Variants in HCK observed in about 807,000 individuals in gnomAD.
The protein encoded by HCK is HCK proto-oncogene, Src family tyrosine kinase, also known as tyrosine-protein kinase HCK.
In HCK, 40 loss-of-function variants were observed where a neutral mutation model predicts 70.4. The ratio of observed to expected loss-of-function variants is 0.57; its 90% CI spans 0.44 to 0.74. The LOEUF (loss-of-function observed/expected upper bound fraction) is 0.74, where lower values mean the gene tolerates loss of function less well. HCK is among the 30% of genes least tolerant of loss of function. The pLI is 0.00. For missense variants in HCK, 568 were observed against 697.2 expected (o/e 0.81, Z 2.09); for synonymous variants, 245 against 263.2 (o/e 0.93, Z 0.67).
chr20:32,069,687 G>C, intron 1 of HCK: 1 of 768,656 alleles, frequency 1.3e-6, no homozygotes, highest in South Asian at 1.4e-5. Context: ...ATTTCCAAAA[G>C]ACAAACAAAG....
At position 32,073,396 on chromosome 20, in the gene HCK, T is replaced by A. The variant is rs202179840; in HGVS notation, c.226+35T>A. The A allele has an allele frequency of 8.2e-6, 13 of 1,584,978 alleles. No individual in the cohort carries two copies. In the East Asian group the frequency reaches 1.1e-4, roughly 14 times the overall value. On this transcript the variant is annotated intron_variant, in intron 3 of 12. Coordinates refer to ENST00000375852, the MANE Select transcript of HCK (RefSeq NM_002110.5). ...TACGAGCAGATGCAGTGGAGTCATG[T>A]GTCCTGCAGAGGACTCCGCTAGGTT...
chr20:32,057,435 AC>A (rs2045289496), intron 1 of HCK, among the ~76,000 whole-genome samples: 1 of 152,120 alleles, frequency 6.6e-6, no homozygotes, highest in Non-Finnish European at 1.5e-5. Context: ...CCCTGTCTCT[AC>A]AAAAAGTACA....
At chr20:32,084,583 G>C (rs1282557499) in intron 8 of HCK, 40 bp downstream of exon 8, 1 of 1,564,428 alleles carries the variant, frequency 6.4e-7, no homozygotes, top group Admixed American at 1.9e-5. Context: ...CCAGAGGGTG[G>C]AGGGGAGAGG....
chr20:32,074,044 C>T (rs60000242), intron 4 of HCK, among the ~76,000 whole-genome samples: 2 of 152,238 alleles, frequency 1.3e-5, no homozygotes, highest in South Asian at 2.1e-4. Flanking sequence ...GAACAGGTGA[C>T]GCTTTCTCAG....
At chr20:32,078,845 A>G (rs2045665911) in intron 5 of HCK, among the ~76,000 whole-genome samples, 2 of 128,204 alleles carry the variant, frequency 1.6e-5, no homozygotes, top group African/African-American at 6.8e-5. Flanking sequence ...TGACAGAGCA[A>G]GACTCAGTCT....
chr20:32,055,069 G>T (rs925618361), intron 1 of HCK, among the ~76,000 whole-genome samples: 1 of 152,164 alleles, frequency 6.6e-6, no homozygotes, highest in Non-Finnish European at 1.5e-5. Context: ...GAACAATATT[G>T]ACAGGAGCAT....
intron 5 of HCK, among the ~76,000 whole-genome samples, chr20:32,075,798 G>A (rs976829065): frequency 2.0e-5 from 3 of 152,064 alleles, no homozygotes; most frequent in South Asian, 2.1e-4. Context: ...ACTTAGATGG[G>A]GCTCCCTGCT....
At chr20:32,072,936 A>G (rs2045564283) in intron 2 of HCK, among the ~76,000 whole-genome samples, 1 of 151,988 alleles carries the variant, frequency 6.6e-6, no homozygotes, top group African/African-American at 2.4e-5. Flanking sequence ...CCCCATCTCT[A>G]CTAAAAATAC....
At chr20:32,094,768 A>AGAAG (rs2045920512) in intron 11 of HCK, among the ~76,000 whole-genome samples, 1 of 128,230 alleles carries the variant, frequency 7.8e-6, no homozygotes, top group Non-Finnish European at 1.7e-5. Context: ...AAAGAAGGAA[A>AGAAG]GAAAGAAAGA....
At chr20:32,069,586 A>T in intron 1 of HCK, 1 of 392,100 alleles carries the variant, frequency 2.6e-6, no homozygotes, top group South Asian at 1.8e-5. Flanking sequence ...TTTTAAATGC[A>T]TGCAAGTACA....
chr20:32,072,555 T>C (rs899116799), intron 2 of HCK: 1 of 110,604 alleles, frequency 9.0e-6, no homozygotes, highest in Non-Finnish European at 1.7e-5. Flanking sequence ...AGGGAGACCC[T>C]GTCTCTTTAA....
At chr20:32,073,914 A>G (rs996261383) in intron 4 of HCK, 96 bp downstream of exon 4, 2 of 705,422 alleles carry the variant, frequency 2.8e-6, no homozygotes, top group Non-Finnish European at 5.1e-6. Context: ...TAGATGGGCT[A>G]TCTTATCCTG....
intron 1 of HCK, among the ~76,000 whole-genome samples, chr20:32,055,224 G>A (rs1319762950): frequency 6.6e-6 from 1 of 152,160 alleles, no homozygotes; most frequent in Non-Finnish European, 1.5e-5. Flanking sequence ...CAGGGACTCT[G>A]GGGCAGAGAA....
intron 1 of HCK, among the ~76,000 whole-genome samples, chr20:32,061,643 C>G (rs2045378305): frequency 6.6e-6 from 1 of 152,144 alleles, no homozygotes; most frequent in Non-Finnish European, 1.5e-5. Context: ...TGAGAAGGTA[C>G]AATCATTAGA....
rs541624925 is a variant in HCK, at chr20:32,057,624, G to A, written c.62+5138G>A. Among the ~76,000 whole-genome samples, 47 of 152,288 alleles carry A rather than the reference G, an allele frequency of 3.1e-4. 1 individual carries two copies. The South Asian group carries it at 8.5e-3, about 28-fold the overall frequency. ...CATAAAAAGAAAAGAAAAGGAATGT[G>A]AAGCCTAGAGAGGGTAATTGACTTT... is the stretch of plus-strand genomic sequence containing the variant. On this transcript the variant is annotated intron_variant, in intron 1 of 12. Coordinates refer to ENST00000375852, the MANE Select transcript of HCK (RefSeq NM_002110.5).
chr20:32,094,780 A>G (rs543892429), intron 11 of HCK, among the ~76,000 whole-genome samples: 1 of 99,844 alleles, frequency 1.0e-5, no homozygotes, highest in Admixed American at 1.0e-4. Flanking sequence ...AAAGAAAGAG[A>G]GAGAAAGAGA....
intron 10 of HCK, among the ~76,000 whole-genome samples, chr20:32,093,400 A>T (rs766421808): frequency 1.1e-4 from 17 of 152,288 alleles, no homozygotes; most frequent in Non-Finnish European, 2.5e-4. Context: ...CATGAGGAAG[A>T]TATGAGAGGT....
At chr20:32,064,719 C>T (rs1435509181) in intron 1 of HCK, among the ~76,000 whole-genome samples, 1 of 152,228 alleles carries the variant, frequency 6.6e-6, no homozygotes, top group African/African-American at 2.4e-5. Context: ...GCCCCGGCCT[C>T]TCCCCCTTGA....
At chr20:32,100,364 G>A (rs2046017314) in intron 12 of HCK, among the ~76,000 whole-genome samples, 1 of 152,214 alleles carries the variant, frequency 6.6e-6, no homozygotes, top group African/African-American at 2.4e-5. Context: ...AGGCAGAGGT[G>A]ATGATGGTCT....
Sources: gnomAD v4.1 joint callset for allele counts (sites outside exome capture counted in the v4.1 genomes callset) on GRCh38, gnomAD v4.1.1 for gene constraint, MANE v1.5 for transcripts, NCBI Gene and HGNC (gene_info 2026-07-23, HGNC 2026-07-21) for gene names.